CLASP1: variants seen among roughly 807,000 people sequenced by gnomAD.
CLASP1 encodes the protein CLIP-associating protein 1.
A neutral mutation model predicts 192.3 loss-of-function variants in CLASP1; 38 were observed. That is an observed-to-expected ratio of 0.20 (90% CI 0.15 to 0.26). CLASP1 has a LOEUF of 0.26. Ranked by LOEUF, CLASP1 falls within the 10% of genes least tolerant of loss-of-function variation. The probability of loss-of-function intolerance (pLI) is 1.00; values close to 1 mark genes in which losing one functional copy is unlikely to be tolerated. For missense variants in CLASP1, 1,433 were observed against 1,932.5 expected, an observed-to-expected ratio of 0.74 and a Z score of 4.85; for synonymous variants, 691 against 712.8, an observed-to-expected ratio of 0.97 and a Z score of 0.49.
At chr2:121,478,196 T>C (rs886774382) in intron 8 of CLASP1, among the ~76,000 whole-genome samples, 2 of 152,170 alleles carry the variant, frequency 1.3e-5, no homozygotes, top group African/African-American at 2.4e-5. Context: ...ATAGTTGTCA[T>C]ATTAATATAA....
chr2:121,506,389 TC>T (rs1271398824), intron 7 of CLASP1, among the ~76,000 whole-genome samples: 1 of 151,852 alleles, frequency 6.6e-6, no homozygotes, highest in East Asian at 1.9e-4. Flanking sequence ...AGAGGCCTTT[TC>T]CCTGAGGCGA....
chr2:121,461,824 G>A (rs1157620916), intron 10 of CLASP1, among the ~76,000 whole-genome samples: 1 of 152,102 alleles, frequency 6.6e-6, no homozygotes, highest in Non-Finnish European at 1.5e-5. Context: ...AGAACTATAG[G>A]CACAAGCCAC....
intron 2 of CLASP1, among the ~76,000 whole-genome samples, chr2:121,590,467 C>T (rs933323090): frequency 2.0e-5 from 3 of 152,168 alleles, no homozygotes; most frequent in African/African-American, 7.2e-5. Flanking sequence ...ATAACTTACT[C>T]AGTGCTAAGA....
At chr2:121,580,728 T>G (rs2061035942) in intron 2 of CLASP1, among the ~76,000 whole-genome samples, 1 of 152,266 alleles carries the variant, frequency 6.6e-6, no homozygotes, top group Non-Finnish European at 1.5e-5. Flanking sequence ...AAAGCCATTA[T>G]TTCTTATTTC....
chr2:121,426,075 G>C (rs998379104), intron 21 of CLASP1, among the ~76,000 whole-genome samples: 1 of 152,080 alleles, frequency 6.6e-6, no homozygotes, highest in African/African-American at 2.4e-5. Context: ...AGCCCAGGAG[G>C]TCAAGGCTGA....
At chr2:121,500,653 A>C in intron 8 of CLASP1, among the ~76,000 whole-genome samples, 1 of 152,230 alleles carries the variant, frequency 6.6e-6, no homozygotes, top group Non-Finnish European at 1.5e-5. Context: ...TGAACATTTT[A>C]CTGGTCTCTC....
At chr2:121,482,302 T>C (rs1438540735) in intron 8 of CLASP1, among the ~76,000 whole-genome samples, 1 of 152,014 alleles carries the variant, frequency 6.6e-6, no homozygotes, top group Non-Finnish European at 1.5e-5. Flanking sequence ...ACTCTGCGAG[T>C]GTGCCCATCG....
At chr2:121,436,940 T>G (rs1049643909) in intron 19 of CLASP1, among the ~76,000 whole-genome samples, 5 of 152,234 alleles carry the variant, frequency 3.3e-5, no homozygotes, top group African/African-American at 4.8e-5. Flanking sequence ...ACATTGATTC[T>G]ACTGCTCAAT....
chr2:121,467,717 T>G (rs1016017020), intron 9 of CLASP1, among the ~76,000 whole-genome samples: 19 of 152,220 alleles, frequency 1.2e-4, no homozygotes, highest in African/African-American at 4.3e-4. Flanking sequence ...ACGGATAGAT[T>G]GCAAAATTTT....
At chr2:121,496,605 G>A (rs183592191) in intron 8 of CLASP1, among the ~76,000 whole-genome samples, 136 of 152,282 alleles carry the variant, frequency 8.9e-4, no homozygotes, top group African/African-American at 3.1e-3. Flanking sequence ...CAAACCAATC[G>A]CAGAGAACAC....
chr2:121,420,772 T>A (rs1019705550), intron 22 of CLASP1, among the ~76,000 whole-genome samples: 1 of 152,244 alleles, frequency 6.6e-6, no homozygotes, highest in Non-Finnish European at 1.5e-5. Flanking sequence ...CTTGCCTGAT[T>A]ATTTCTGAAT....
chr2:121,374,712 A>C (rs2069588380), intron 34 of CLASP1, among the ~76,000 whole-genome samples: 1 of 152,210 alleles, frequency 6.6e-6, no homozygotes. Context: ...TTGGAGCTTT[A>C]AGATTTAATG....
intron 30 of CLASP1, among the ~76,000 whole-genome samples, chr2:121,393,921 CTAAG>C (rs776649968): frequency 6.6e-6 from 1 of 150,708 alleles, no homozygotes; most frequent in South Asian, 2.1e-4. Flanking sequence ...CATGCATCTG[CTAAG>C]TAAGTTGAAC....
At chr2:121,594,101 C>T (rs984016949) in intron 2 of CLASP1, among the ~76,000 whole-genome samples, 1 of 151,754 alleles carries the variant, frequency 6.6e-6, no homozygotes, top group Non-Finnish European at 1.5e-5. Flanking sequence ...GAGATCGAGA[C>T]CATTCTGGCT....
rs539957867 is a variant in CLASP1, at chr2:121,626,619, C to A, written c.-285-20439G>T. Among the ~76,000 whole-genome samples the A allele has an allele frequency of 2.0e-3, 300 of 152,052 alleles. 1 individual carries two copies. Among genetic ancestry groups the A allele is most frequent in the African/African-American group, 5.8e-3 (241 of 41,488 alleles). ...TTGTTTTGTTTTAGAGAGATGGGGT[C>A]TTGCTATGTTGCCCATGCTGGTCTT... On this transcript the variant is annotated intron_variant, in intron 1 of 39. Transcript: ENST00000263710.
At chr2:121,478,848 C>CA (rs1559368241) in intron 8 of CLASP1, among the ~76,000 whole-genome samples, 93 of 26,380 alleles carry the variant, frequency 3.5e-3, no homozygotes, top group African/African-American at 7.0e-3. Flanking sequence ...CACACACACA[C>CA]CACACACCAC....
intron 25 of CLASP1, 37 bp downstream of exon 26, chr2:121,407,434 A>T: frequency 6.2e-7 from 1 of 1,611,012 alleles, no homozygotes; most frequent in Non-Finnish European, 8.5e-7. Flanking sequence ...CCAACAGGAG[A>T]TTCAAACTTA....
chr2:121,524,682 C>A (rs966084083), intron 6 of CLASP1, among the ~76,000 whole-genome samples: 2 of 152,164 alleles, frequency 1.3e-5, no homozygotes, highest in East Asian at 3.9e-4. Flanking sequence ...GTCTCAAACT[C>A]CTGGCCTCAA....
intron 2 of CLASP1, among the ~76,000 whole-genome samples, chr2:121,546,546 A>T (rs1403389402): frequency 6.6e-6 from 1 of 152,032 alleles, no homozygotes; most frequent in African/African-American, 2.4e-5. Context: ...CATTCAGGGA[A>T]GCAGTGAGTG....
Sources: gnomAD v4.1 joint callset for allele counts (sites outside exome capture counted in the v4.1 genomes callset) on GRCh38, gnomAD v4.1.1 for gene constraint, MANE v1.5 for transcripts, NCBI Gene and HGNC (gene_info 2026-07-23, HGNC 2026-07-21) for gene names.